Variants in CCM2L observed in about 807,000 individuals in gnomAD.
The protein encoded by CCM2L is CCM2 like scaffold protein, also known as cerebral cavernous malformations 2 protein-like.
A neutral mutation model predicts 54.1 loss-of-function variants in CCM2L; 36 were observed. The observed-to-expected ratio is 0.67, with a 90% CI of 0.51 to 0.88. The LOEUF is 0.88. Among genes scored for constraint, CCM2L ranks in the 40% least tolerant of loss-of-function variants. The pLI is 0.00. For synonymous variants in CCM2L, 351 were observed against 359.3 expected, an observed-to-expected ratio of 0.98 and a Z score of 0.26; for missense variants, 700 against 812.1, an observed-to-expected ratio of 0.86 and a Z score of 1.68.
intron 2 of CCM2L, among the ~76,000 whole-genome samples, chr20:32,015,859 C>CTTTTTTTTTTTTTTTTTTTTTT (rs199989562): frequency 7.8e-6 from 1 of 127,924 alleles, no homozygotes; most frequent in Non-Finnish European, 1.6e-5. Flanking sequence ...AGCTGTACTT[C>CTTTTTTTTTTTTTTTTTTTTTT]TTTTTTTTTT....
chr20:32,023,092 G>T (rs974117409), intron 6 of CCM2L, among the ~76,000 whole-genome samples: 6 of 151,928 alleles, frequency 3.9e-5, no homozygotes, highest in Non-Finnish European at 5.9e-5. Context: ...TCAGTCTCCC[G>T]AGTAGCTGGG....
At chr20:32,013,372 G>A (rs1322653139) in intron 1 of CCM2L, among the ~76,000 whole-genome samples, 2 of 152,168 alleles carry the variant, frequency 1.3e-5, no homozygotes, top group African/African-American at 4.8e-5. Flanking sequence ...GGTTGGGAGT[G>A]TAACCTGAAC....
At chr20:32,011,925 G>A (rs531360817) in intron 1 of CCM2L, among the ~76,000 whole-genome samples, 3 of 151,100 alleles carry the variant, frequency 2.0e-5, no homozygotes, top group Non-Finnish European at 4.4e-5. Flanking sequence ...ACACACATAC[G>A]CAAGACAAAG....
At chr20:32,015,632 G>A (rs2064734992) in intron 2 of CCM2L, among the ~76,000 whole-genome samples, 1 of 152,206 alleles carries the variant, frequency 6.6e-6, no homozygotes, top group African/African-American at 2.4e-5. Context: ...TGGCCTTTGT[G>A]CAAAGTTGTA....
chr20:32,018,120 T>A lies in CCM2L; in HGVS notation c.424T>A (p.Tyr142Asn). ...IPTHEIAAAS[Y>N]LQDDALHLLV... ...TACGCACGAGATCGCCGCCGCCTCC[T>A]ACCTGCAGGACGACGCGCTGCACCT... Residue 142 changes from tyrosine (Y) to asparagine (N), a missense_variant, in exon 4 of 10, where the codon TAC (tyrosine) becomes AAC (asparagine). Tyr to Asn is a moderately radical substitution (Grantham distance 143). Coordinates refer to ENST00000452892, the MANE Select transcript of CCM2L (RefSeq NM_001365692.1). 1.2e-6 allele frequency: 2 copies of A among 1,606,586 alleles called. No individual in the cohort carries two copies. The highest frequency in any genetic ancestry group is 1.7e-6 in the Non-Finnish European group (2 of 1,177,754).
Position 32,018,928 on chromosome 20 carries a change from C to T in CCM2L, c.467-15C>T, listed in dbSNP as rs1350929562. Reference sequence around the variant, plus strand: ...TCCCGATCCCCGCGGCTGACGGTCCCCCGGACTCTCCTAGGTCTGGGTGTG... The same window carrying T: ...TCCCGATCCCCGCGGCTGACGGTCCTCCGGACTCTCCTAGGTCTGGGTGTG... On this transcript the variant is annotated splice_polypyrimidine_tract_variant and intron_variant, in intron 4 of 9. Coordinates refer to ENST00000452892, the MANE Select transcript of CCM2L (RefSeq NM_001365692.1). 4 of 1,325,112 alleles carry T rather than the reference C, an allele frequency of 3.0e-6. No homozygotes were observed. Among genetic ancestry groups the T allele is most frequent in the South Asian group, 2.0e-5 (1 of 51,176 alleles). The allele number at this position is 1,325,112 out of a possible 1,614,324, so 82.1% of individuals were successfully genotyped here.
intron 1 of CCM2L, 68 bp downstream of exon 1, chr20:32,010,552 GGGC>G: frequency 8.7e-7 from 1 of 1,154,110 alleles, no homozygotes; most frequent in Non-Finnish European, 1.3e-6. Flanking sequence ...GGGCAAACTG[GGGC>G]GGGGTGGGGG....
Position 32,022,718 on chromosome 20 carries a change from A to C in CCM2L, c.992A>C (p.Asp331Ala), listed in dbSNP as rs574285778. 1 of 1,614,068 alleles carries C rather than the reference A, an allele frequency of 6.2e-7. No homozygotes were observed. The highest frequency in any genetic ancestry group is 1.3e-5 in the African/African-American group (1 of 75,008). The change falls in exon 6 of 10, where the codon GAC (aspartate) becomes GCC (alanine). Residue 331 changes from aspartate to alanine, a missense_variant. Physicochemically the swap from Asp to Ala is moderately radical, Grantham distance 126 (BLOSUM62 -2). Transcript: ENST00000452892. The part of the protein sequence containing the change: ...ICQVFQIIYG[D>A]QSIECVDRAG... ...CAGGTCTTCCAGATCATCTACGGGG[A>C]CCAGAGTATTGAGTGTGTGGACCGG...
At position 32,028,787 on chromosome 20, in the gene CCM2L, G is replaced by C. The variant is rs553740226; in HGVS notation, c.1134-208G>C. ...AGGTGAGGAGATAGTAGAGGAAGAAGGAGAAGGGGGGTGGGGGGCGCGAAG... is the reference window on the plus strand; with the variant it reads ...AGGTGAGGAGATAGTAGAGGAAGAACGAGAAGGGGGGTGGGGGGCGCGAAG... On this transcript the variant is annotated intron_variant, in intron 7 of 9. Transcript: ENST00000452892. The C allele has an allele frequency of 2.2e-5, 13 of 598,092 alleles. No individual in the cohort carries two copies. The South Asian group carries it at 2.6e-4, about 12-fold the overall frequency. The allele number at this position is 598,092 out of a possible 1,614,324, so 37.0% of individuals were successfully genotyped here. A position where few individuals can be genotyped will look rare whatever the true frequency, so the allele number is the denominator to read the frequency against.
Position 32,019,310 on chromosome 20 carries a change from C to G in CCM2L, c.834C>G (p.Gly278=). ...GGCAGGCGGGCAGCGGCGGGGGAGG[C>G]AGCTGGGAGCGGCGCCACCCCGGCC... is the stretch of plus-strand genomic sequence containing the variant. The part of the protein sequence containing the change: ...ERRQAGSGGG[G]SWERRHPGPN... Residue 278 remains glycine, a synonymous_variant, in exon 5 of 10, where the codon GGC becomes GGG. Transcript: ENST00000452892. 1 of 1,314,244 alleles carries G rather than the reference C, an allele frequency of 7.6e-7. No homozygotes were observed. Among genetic ancestry groups the G allele is most frequent in the Non-Finnish European group, 9.7e-7 (1 of 1,032,108 alleles). 81.4% of individuals were successfully genotyped at this position (1,314,244 alleles called of 1,614,324 possible). A position where few individuals can be genotyped will look rare whatever the true frequency, so the allele number is the denominator to read the frequency against.
At chr20:32,017,673 T>C in intron 2 of CCM2L, 127 bp from the exon 3 acceptor site, 2 of 806,946 alleles carry the variant, frequency 2.5e-6, no homozygotes, top group Non-Finnish European at 4.3e-6. Flanking sequence ...TAAAAGTTAT[T>C]ATCAGGTATA....
At chr20:32,010,520 ATGTCCCC>A in intron 1 of CCM2L, 36 bp downstream of exon 1, 1 of 853,258 alleles carries the variant, frequency 1.2e-6, no homozygotes, top group South Asian at 1.4e-5. Context: ...AGGGAGAGGA[ATGTCCCC>A]AAAGCTGGGG....
chr20:32,028,281 A>T (rs2064881869), intron 7 of CCM2L: 1 of 152,104 alleles, frequency 6.6e-6, no homozygotes, highest in Non-Finnish European at 1.5e-5. Context: ...TCTACTAAAA[A>T]TACAAAAATT....
intron 4 of CCM2L, among the ~76,000 whole-genome samples, chr20:32,018,502 G>A (rs1243957001): frequency 6.6e-6 from 1 of 151,946 alleles, no homozygotes; most frequent in Admixed American, 6.6e-5. Context: ...ACCCGGCTCT[G>A]AGGCTAGAGT....
At chr20:32,028,899 A>C in intron 7 of CCM2L, 96 bp from the exon 8 acceptor site, 7 of 1,478,978 alleles carry the variant, frequency 4.7e-6, no homozygotes, top group Non-Finnish European at 5.6e-6. Flanking sequence ...CTTGGAGGCC[A>C]GCATGCAGTC....
At chr20:32,027,395 T>C (rs2064872622) in intron 7 of CCM2L, among the ~76,000 whole-genome samples, 1 of 152,256 alleles carries the variant, frequency 6.6e-6, no homozygotes, top group African/African-American at 2.4e-5. Flanking sequence ...GAACTTGCTA[T>C]GTACTAAGTG....
intron 5 of CCM2L, among the ~76,000 whole-genome samples, chr20:32,021,524 G>C (rs576097264): frequency 2.6e-5 from 4 of 152,212 alleles, no homozygotes; most frequent in Admixed American, 2.6e-4. Context: ...GGGCGTGGTG[G>C]TGTGTGCCTG....
At chr20:32,029,561 G>A in intron 8 of CCM2L, 139 bp from the exon 9 acceptor site, 9 of 1,089,244 alleles carry the variant, frequency 8.3e-6, no homozygotes, top group South Asian at 1.7e-5. Context: ...GGATCTAGAT[G>A]TCCTCTGAAT....
At chr20:32,021,515 G>T (rs1034892164) in intron 5 of CCM2L, among the ~76,000 whole-genome samples, 1 of 152,094 alleles carries the variant, frequency 6.6e-6, no homozygotes, top group Non-Finnish European at 1.5e-5. Context: ...AAATTATCTG[G>T]GCGTGGTGGT....
Sources: gnomAD v4.1 joint callset for allele counts (sites outside exome capture counted in the v4.1 genomes callset) on GRCh38, gnomAD v4.1.1 for gene constraint, MANE v1.5 for transcripts, NCBI Gene and HGNC (gene_info 2026-07-23, HGNC 2026-07-21) for gene names.